RESF1: variants seen among roughly 807,000 people sequenced by gnomAD.
RESF1 encodes the protein gonad expressed transcript.
In RESF1, 65 loss-of-function variants were observed where a neutral mutation model predicts 134.7. The observed-to-expected ratio is 0.48, with a 90% CI of 0.40 to 0.59. The LOEUF (loss-of-function observed/expected upper bound fraction) is 0.59. RESF1 is among the 20% of genes least tolerant of loss of function. RESF1 has a pLI of 0.00. For synonymous variants in RESF1, 762 were observed against 702.2 expected, an observed-to-expected ratio of 1.09 and a Z score of -1.35; for missense variants, 2,274 against 2,002.7, an observed-to-expected ratio of 1.14 and a Z score of -2.59.
chr12:31,982,030 G>A lies in RESF1; in HGVS notation c.1075G>A (p.Asp359Asn). The change falls in exon 4 of 6, where the codon GAT becomes AAT. Residue 359 changes from aspartate (D) to asparagine (N), a missense_variant. Transcript: ENST00000312561. ...TAACAGTCCCATTAGATCTTCTGTG[G>A]ATGGTGTTCAGACTCTTGCTCAAAC... ...PFNSPIRSSV[D>N]GVQTLAQTNE... The A allele has an allele frequency of 6.2e-7, 1 of 1,614,122 alleles. No homozygotes were observed.
chr12:31,987,206 T>A (rs1939993206), intron 4 of RESF1, 33 bp from the exon 5 acceptor site: 1 of 1,162,812 alleles, frequency 8.6e-7, no homozygotes, highest in South Asian at 1.3e-5. Context: ...TGATTAGCAA[T>A]ATCTAGAGTT....
intron 5 of RESF1, among the ~76,000 whole-genome samples, chr12:31,988,454 T>A (rs578197880): frequency 5.3e-5 from 8 of 152,278 alleles, no homozygotes; most frequent in South Asian, 4.1e-4. Flanking sequence ...TTATTTAAGG[T>A]ATGTGTGGGG....
In RESF1 at chr12:31,983,621, C is replaced by G; in HGVS notation, c.2666C>G (p.Thr889Arg). ...SRNSTVVSSDTLQIDNICSLV... is the reference protein window; with the variant it reads ...SRNSTVVSSDRLQIDNICSLV... ...AATAGTACTGTTGTGAGTAGTGATACATTACAGATTGACAATATTTGTTCT... is the reference window on the plus strand; with the variant it reads ...AATAGTACTGTTGTGAGTAGTGATAGATTACAGATTGACAATATTTGTTCT... The change falls in exon 4 of 6, where the codon ACA becomes AGA. Residue 889 changes from threonine to arginine, a missense_variant. Physicochemically the swap from Thr to Arg is moderately conservative, Grantham distance 71 (BLOSUM62 -1). Transcript: ENST00000312561. 1 of 1,614,008 alleles carries G rather than the reference C, an allele frequency of 6.2e-7. No homozygotes were observed. Among genetic ancestry groups the G allele is most frequent in the South Asian group, 1.1e-5 (1 of 91,072 alleles).
Position 31,981,720 on chromosome 12 carries a change from T to A in RESF1, c.765T>A (p.Thr255=). 6.2e-7 allele frequency: 1 copy of A among 1,613,748 alleles called. No individual in the cohort carries two copies. The change falls in exon 4 of 6, where the codon ACT becomes ACA. Residue 255 remains threonine, a synonymous_variant. Transcript: ENST00000312561. ...GTCAGCTTCTAAATTCTGTATTAAC[T>A]TTACCATCAAGGCAGACCTCAGCTG... The part of the protein sequence containing the change: ...KNSQLLNSVL[T]LPSRQTSAVP...
intron 3 of RESF1, among the ~76,000 whole-genome samples, chr12:31,972,124 C>T (rs187239559): frequency 6.6e-6 from 1 of 152,162 alleles, no homozygotes; most frequent in African/African-American, 2.4e-5. Context: ...GTGACCTTGC[C>T]TTCTACATCT....
chr12:31,979,861 C>T (rs73298611), intron 3 of RESF1, among the ~76,000 whole-genome samples: 2,536 of 151,378 alleles, frequency 0.017, 77 homozygotes, highest in African/African-American at 0.058. Flanking sequence ...CCAGCCAAGA[C>T]TTTTTATAGA....
chr12:31,981,699 G>A lies in RESF1; in HGVS notation c.744G>A (p.Gln248=). The change falls in exon 4 of 6, where the codon CAG becomes CAA. Residue 248 remains glutamine (Q), a synonymous_variant. Coordinates refer to ENST00000312561, the MANE Select transcript of RESF1 (RefSeq NM_018169.4). ...PHTSLQVKNS[Q]LLNSVLTLPS... is the part of the protein sequence containing the mutation. The stretch of plus-strand genomic sequence containing the variant: ...CATCATTGCAAGTTAAAAATAGTCA[G>A]CTTCTAAATTCTGTATTAACTTTAC... The A allele has an allele frequency of 6.2e-7, 1 of 1,613,658 alleles. No individual in the cohort carries two copies. The highest frequency in any genetic ancestry group is 2.2e-5 in the East Asian group (1 of 44,886).
In RESF1 at chr12:31,981,964, T is replaced by G; in HGVS notation, c.1009T>G (p.Phe337Val). ...TGAAAATGTCAGCACAATTGGAAAT[T>G]TCACTAACTTGAAAGTAAATACCAA... ...PNENVSTIGNFTNLKVNTNSK... is the reference protein window; with the variant it reads ...PNENVSTIGNVTNLKVNTNSK... The change falls in exon 4 of 6, where the codon TTC becomes GTC. Residue 337 changes from phenylalanine (F) to valine (V), a missense_variant. Physicochemically the swap from Phe to Val is conservative, Grantham distance 50. Coordinates refer to ENST00000312561, the MANE Select transcript of RESF1 (RefSeq NM_018169.4). The G allele has an allele frequency of 6.2e-7, 1 of 1,614,196 alleles. No homozygotes were observed. Among genetic ancestry groups the G allele is most frequent in the Non-Finnish European group, 8.5e-7 (1 of 1,180,032 alleles).
chr12:31,961,470 A>G (rs1479092807), intron 2 of RESF1, among the ~76,000 whole-genome samples: 1 of 152,216 alleles, frequency 6.6e-6, no homozygotes, highest in Non-Finnish European at 1.5e-5. Context: ...GTTATGGTAG[A>G]GTTACATGAG....
Position 31,983,473 on chromosome 12 carries a change from C to A in RESF1, c.2518C>A (p.Gln840Lys). The A allele has an allele frequency of 6.2e-7, 1 of 1,613,974 alleles. No homozygotes were observed. Among genetic ancestry groups the A allele is most frequent in the Admixed American group, 1.7e-5 (1 of 60,022 alleles). ...KIFPLTQKEK[Q>K]NESTNGNSEV... ...TTTTCCACTAACTCAGAAGGAAAAGCAGAATGAGTCAACTAATGGTAATTC... is the reference window on the plus strand; with the variant it reads ...TTTTCCACTAACTCAGAAGGAAAAGAAGAATGAGTCAACTAATGGTAATTC... The change falls in exon 4 of 6, where the codon CAG (glutamine) becomes AAG (lysine). Residue 840 changes from glutamine to lysine, a missense_variant. Gln to Lys is a moderately conservative substitution (Grantham distance 53). Transcript: ENST00000312561.
At chr12:31,973,905 A>G (rs1324534465) in intron 3 of RESF1, among the ~76,000 whole-genome samples, 1 of 152,042 alleles carries the variant, frequency 6.6e-6, no homozygotes, top group Non-Finnish European at 1.5e-5. Context: ...GGCATCATCT[A>G]CCTGGAGAAA....
At chr12:31,972,479 A>T (rs1283087709) in intron 3 of RESF1, among the ~76,000 whole-genome samples, 1 of 151,918 alleles carries the variant, frequency 6.6e-6, no homozygotes, top group East Asian at 1.9e-4. Flanking sequence ...GGTGGTGGGC[A>T]CCGGTAGTTC....
rs1450936567 is a variant in RESF1 at position 31,980,986 on chromosome 12, A to G, written c.31A>G (p.Thr11Ala). ...TTGGAATGAAAAACCAAAGAGTGCT[A>G]CATTACCACCACTGTATCCTAAAAG... MNWNEKPKSA[T>A]LPPLYPKSQP... Residue 11 changes from threonine (T) to alanine (A), a missense_variant, in exon 4 of 6, where the codon ACA becomes GCA. Physicochemically the swap from Thr to Ala is moderately conservative, Grantham distance 58 (BLOSUM62 0). Coordinates refer to ENST00000312561, the MANE Select transcript of RESF1 (RefSeq NM_018169.4). 1 of 1,611,710 alleles carries G rather than the reference A, an allele frequency of 6.2e-7. No individual in the cohort carries two copies. The highest frequency in any genetic ancestry group is 1.7e-5 in the Admixed American group (1 of 59,626).
chr12:31,982,092 TTCAAA>T lies in RESF1; in HGVS notation c.1142_1146del (p.Asn381SerfsTer16). 1 of 1,614,186 alleles carries T rather than the reference TTCAAA, an allele frequency of 6.2e-7. No homozygotes were observed. Among genetic ancestry groups the T allele is most frequent in the Non-Finnish European group, 8.5e-7 (1 of 1,180,030 alleles). ...AAATAATGGATTCTTGCAATCCAAC[TTCAAA>T]TCAAGTACTGGACACAAGTGTTGCA... On this transcript the variant is annotated frameshift_variant, in exon 4 of 6. Coordinates refer to ENST00000312561, the MANE Select transcript of RESF1 (RefSeq NM_018169.4). LOFTEE classifies it high-confidence loss of function.
chr12:31,972,605 CAAAAA>C (rs71064904), intron 3 of RESF1, among the ~76,000 whole-genome samples: 5 of 109,176 alleles, frequency 4.6e-5, no homozygotes, highest in South Asian at 6.4e-4. Context: ...GACTCCGTCT[CAAAAA>C]AAAAAAAAAA....
intron 4 of RESF1, 46 bp downstream of exon 4, chr12:31,986,003 C>T (rs150147989): frequency 7.7e-6 from 10 of 1,300,678 alleles, no homozygotes; most frequent in East Asian, 2.8e-5. Flanking sequence ...TGTAAAGAGT[C>T]GTAGGTCAAT....
At position 31,985,916 on chromosome 12, in the gene RESF1, A is replaced by G. The variant is rs1388499094; in HGVS notation, c.4961A>G (p.Asp1654Gly). Residue 1654 changes from aspartate to glycine, a missense_variant, in exon 4 of 6, where the codon GAT becomes GGT. Coordinates refer to ENST00000312561, the MANE Select transcript of RESF1 (RefSeq NM_018169.4). Reference sequence around the variant, plus strand: ...ACAAACTCTGTGGAAGAACGGAAGGATGTAAAGCCTCATCCTAGGAAGGAG... The same window carrying G: ...ACAAACTCTGTGGAAGAACGGAAGGGTGTAAAGCCTCATCCTAGGAAGGAG... ...KNTNSVEERKDVKPHPRKEQA... is the reference protein window; with the variant it reads ...KNTNSVEERKGVKPHPRKEQA... 9 of 1,510,808 alleles carry G rather than the reference A, an allele frequency of 6.0e-6. No individual in the cohort carries two copies. The highest frequency in any genetic ancestry group is 7.9e-6 in the Non-Finnish European group (9 of 1,137,124). 93.6% of individuals were successfully genotyped at this position (1,510,808 alleles called of 1,614,324 possible). A position where few individuals can be genotyped will look rare whatever the true frequency, so the allele number is the denominator to read the frequency against.
chr12:31,982,673 A>G lies in RESF1; in HGVS notation c.1718A>G (p.Tyr573Cys), dbSNP rs1269653803. Residue 573 changes from tyrosine (Y) to cysteine (C), a missense_variant, in exon 4 of 6, where the codon TAT becomes TGT. Coordinates refer to ENST00000312561, the MANE Select transcript of RESF1 (RefSeq NM_018169.4). ...CCCAAGTCCATGTCCACTGAGGAAT[A>G]TAAATCAAAAATTCAAAATGAAAAT... ...SVPKSMSTEE[Y>C]KSKIQNENML... The G allele has an allele frequency of 1.2e-6, 2 of 1,614,110 alleles. No homozygotes were observed. Among genetic ancestry groups the G allele is most frequent in the Admixed American group, 1.7e-5 (1 of 60,034 alleles).
At chr12:31,960,081 C>T (rs1939225386) in intron 1 of RESF1, among the ~76,000 whole-genome samples, 2 of 151,954 alleles carry the variant, frequency 1.3e-5, no homozygotes, top group African/African-American at 4.8e-5. Flanking sequence ...GCGAACGCTT[C>T]TGCGCCGGCG....
Sources: gnomAD v4.1 joint callset for allele counts (sites outside exome capture counted in the v4.1 genomes callset) on GRCh38, gnomAD v4.1.1 for gene constraint, MANE v1.5 for transcripts, NCBI Gene and HGNC (gene_info 2026-07-23, HGNC 2026-07-21) for gene names.